RNLS: variants seen among roughly 807,000 people sequenced by gnomAD.
RNLS encodes renalase.
A neutral mutation model predicts 39.8 loss-of-function variants in RNLS; 39 were observed. That is an observed-to-expected ratio of 0.98 (90% CI 0.76 to 1.28). The LOEUF is 1.28. Among genes scored for constraint, RNLS ranks in the 50% most tolerant of loss-of-function variants. The pLI is 0.00. For missense variants in RNLS, 410 were observed against 413.3 expected, an observed-to-expected ratio of 0.99 and a Z score of 0.07; for synonymous variants, 147 against 150.7, an observed-to-expected ratio of 0.98 and a Z score of 0.18.
the RNLS span, among the ~76,000 whole-genome samples, chr10:88,217,336 A>G: frequency 2.0e-5 from 3 of 152,214 alleles, no homozygotes; most frequent in African/African-American, 7.2e-5. Flanking sequence ...TATTTTGCAG[A>G]AATAACCTTT....
the RNLS span, among the ~76,000 whole-genome samples, chr10:88,264,095 C>T: frequency 1.3e-5 from 2 of 152,174 alleles, no homozygotes; most frequent in Non-Finnish European, 2.9e-5. Context: ...CCCTTAGTTA[C>T]TTCACTTAGA....
chr10:88,516,220 G>C (rs1409558964), intron 4 of RNLS, among the ~76,000 whole-genome samples: 2 of 151,984 alleles, frequency 1.3e-5, no homozygotes, highest in African/African-American at 4.8e-5. Flanking sequence ...CAAAGGGTTA[G>C]AAGATATAGA....
the RNLS span, among the ~76,000 whole-genome samples, chr10:88,215,993 C>T: frequency 6.6e-6 from 1 of 152,010 alleles, no homozygotes; most frequent in Non-Finnish European, 1.5e-5. Context: ...CCACCGTGCC[C>T]GGCCTCATCT....
chr10:88,485,067 C>T (rs1029796743), intron 4 of RNLS, among the ~76,000 whole-genome samples: 3 of 151,922 alleles, frequency 2.0e-5, no homozygotes, highest in Non-Finnish European at 4.4e-5. Flanking sequence ...ACACTGTCAA[C>T]ACAATCCCAA....
chr10:88,360,922 T>C (rs540992922), intron 5 of RNLS, among the ~76,000 whole-genome samples: 1 of 152,318 alleles, frequency 6.6e-6, no homozygotes, highest in East Asian at 1.9e-4. Context: ...TCCAATCTTC[T>C]CCTTAGATAA....
chr10:88,245,247 C>T, the RNLS span, among the ~76,000 whole-genome samples: 1 of 152,190 alleles, frequency 6.6e-6, no homozygotes, highest in South Asian at 2.1e-4. Flanking sequence ...TCCCTTTTCT[C>T]CCTAATGATC....
chr10:88,525,041 T>C (rs900388279), intron 4 of RNLS, among the ~76,000 whole-genome samples: 1 of 130,014 alleles, frequency 7.7e-6, no homozygotes, highest in East Asian at 2.3e-4. Context: ...TTAAAATAAA[T>C]AAATAAATAA....
At chr10:88,494,424 T>C (rs1845054651) in intron 4 of RNLS, among the ~76,000 whole-genome samples, 1 of 152,124 alleles carries the variant, frequency 6.6e-6, no homozygotes, top group Non-Finnish European at 1.5e-5. Flanking sequence ...TAAATGTGAG[T>C]GAATAAAATT....
chr10:88,549,068 G>T (rs978238547), intron 4 of RNLS, among the ~76,000 whole-genome samples: 1 of 152,018 alleles, frequency 6.6e-6, no homozygotes, highest in African/African-American at 2.4e-5. Context: ...AATGCCTCAA[G>T]GACTATTGGG....
chr10:88,435,294 A>C (rs1855401279), intron 4 of RNLS, among the ~76,000 whole-genome samples: 1 of 152,118 alleles, frequency 6.6e-6, no homozygotes. Context: ...AGTTTCCAGC[A>C]CACTGCAATG....
intron 4 of RNLS, among the ~76,000 whole-genome samples, chr10:88,542,428 A>G (rs1208599887): frequency 2.0e-5 from 3 of 152,204 alleles, no homozygotes. Flanking sequence ...CAACGTGTAC[A>G]TCTTCTAGAT....
At chr10:88,452,304 A>G (rs1216659460) in intron 4 of RNLS, among the ~76,000 whole-genome samples, 2 of 152,210 alleles carry the variant, frequency 1.3e-5, no homozygotes, top group Non-Finnish European at 2.9e-5. Context: ...ACGGTGATGT[A>G]AAGTGCCTAG....
the RNLS span, among the ~76,000 whole-genome samples, chr10:88,179,507 A>G: frequency 6.6e-6 from 1 of 152,244 alleles, no homozygotes; most frequent in Admixed American, 6.5e-5. Flanking sequence ...TACTATTACT[A>G]GCATATATCA....
At chr10:88,461,947 G>A (rs897123232) in intron 4 of RNLS, among the ~76,000 whole-genome samples, 1 of 152,012 alleles carries the variant, frequency 6.6e-6, no homozygotes. Context: ...AATTTGAAAT[G>A]CTTTCTATCT....
At chr10:88,550,372 G>A (rs923861143) in intron 4 of RNLS, among the ~76,000 whole-genome samples, 12 of 152,138 alleles carry the variant, frequency 7.9e-5, no homozygotes, top group Non-Finnish European at 1.6e-4. Flanking sequence ...AGTACAAATT[G>A]AGGGAATCTA....
At chr10:88,390,129 A>G (rs575523074) in intron 4 of RNLS, among the ~76,000 whole-genome samples, 38 of 152,360 alleles carry the variant, frequency 2.5e-4, no homozygotes, top group African/African-American at 7.5e-4. Context: ...AAAATCATCA[A>G]AATGGTAAGT....
chr10:88,400,375 T>C (rs1284184534), intron 4 of RNLS, among the ~76,000 whole-genome samples: 2 of 152,008 alleles, frequency 1.3e-5, no homozygotes, highest in African/African-American at 2.4e-5. Flanking sequence ...TCTAGTCACA[T>C]TGAACATAAT....
chr10:88,396,683 G>A (rs1814293265), intron 4 of RNLS, among the ~76,000 whole-genome samples: 2 of 135,588 alleles, frequency 1.5e-5, no homozygotes, highest in South Asian at 2.5e-4. Flanking sequence ...GCTGATTTAA[G>A]GCTTAGTTTG....
intron 4 of RNLS, among the ~76,000 whole-genome samples, chr10:88,455,694 C>A (rs952762406): frequency 6.6e-6 from 1 of 152,168 alleles, no homozygotes; most frequent in Non-Finnish European, 1.5e-5. Flanking sequence ...GCGTGAGCCA[C>A]CACGCCTGGC....
Sources: allele counts gnomAD v4.1 joint callset (sites outside exome capture counted in the v4.1 genomes callset), GRCh38; gene constraint gnomAD v4.1.1; transcripts MANE v1.5; gene names NCBI Gene and HGNC (gene_info 2026-07-23, HGNC 2026-07-21).